Variants in COL9A1 observed in about 807,000 individuals in gnomAD.
COL9A1 encodes collagen type IX alpha 1 chain.
COL9A1 carries 104 observed loss-of-function variants against 142.6 expected under a neutral mutation model. The ratio of observed to expected loss-of-function variants is 0.73; its 90% CI spans 0.62 to 0.86. The LOEUF is 0.86. Ranked by LOEUF, COL9A1 falls within the 40% of genes least tolerant of loss-of-function variation. The probability of loss-of-function intolerance (pLI) is 0.00; values close to 1 mark genes in which losing one functional copy is unlikely to be tolerated. For synonymous variants in COL9A1, 466 were observed against 396.0 expected (o/e 1.18, Z -2.10); for missense variants, 1,210 against 1,176.6 (o/e 1.03, Z -0.42).
At chr6:70,269,764 T>A (rs1343884865) in intron 15 of COL9A1, 99 bp from the exon 16 acceptor site, 3 of 751,346 alleles carry the variant, frequency 4.0e-6, no homozygotes, top group Middle Eastern at 7.3e-4. Flanking sequence ...TAAAATATAT[T>A]TGTTTAATAA....
intron 10 of COL9A1, chr6:70,279,798 A>G (rs1269034097): frequency 4.4e-6 from 2 of 451,612 alleles, no homozygotes; most frequent in South Asian, 7.7e-5. Flanking sequence ...TTTCTTTCAA[A>G]ATGAAGGATA....
chr6:70,254,901 A>T, intron 24 of COL9A1, 62 bp downstream of exon 24: 1 of 1,457,316 alleles, frequency 6.9e-7, no homozygotes, highest in Non-Finnish European at 9.6e-7. Flanking sequence ...TGGAAATGCC[A>T]CACTCAGTTG....
At chr6:70,241,232 C>G (rs941248918) in intron 31 of COL9A1, among the ~76,000 whole-genome samples, 187 bp downstream of exon 31, 2 of 152,190 alleles carry the variant, frequency 1.3e-5, no homozygotes, top group Non-Finnish European at 2.9e-5. Flanking sequence ...TTAGCTCCAG[C>G]TTGTTAAAAT....
intron 10 of COL9A1, chr6:70,279,751 GCA>G (rs1773017056): frequency 2.6e-6 from 1 of 377,688 alleles, no homozygotes; most frequent in South Asian, 1.0e-4. Flanking sequence ...GACAAAGAAA[GCA>G]CACCTTAATA....
intron 5 of COL9A1, among the ~76,000 whole-genome samples, chr6:70,290,011 C>T (rs1020449032): frequency 6.6e-6 from 1 of 152,098 alleles, no homozygotes; most frequent in Non-Finnish European, 1.5e-5. Context: ...CACAGAGCCA[C>T]GCATTTGATA....
At chr6:70,254,713 C>A (rs1003637213) in intron 24 of COL9A1, 184 bp from the exon 25 acceptor site, 5 of 681,132 alleles carry the variant, frequency 7.3e-6, no homozygotes, top group African/African-American at 5.4e-5. Context: ...ATAATTCAAC[C>A]AAAATGCACA....
At chr6:70,282,716 AG>A (rs907923305) in intron 7 of COL9A1, among the ~76,000 whole-genome samples, 181 bp downstream of exon 7, 2 of 152,070 alleles carry the variant, frequency 1.3e-5, no homozygotes, top group African/African-American at 2.4e-5. Context: ...TCCTAGACCA[AG>A]GGGTCATCTA....
rs758916884 is a variant in COL9A1, at chr6:70,216,979, G to C, written c.2684C>G (p.Pro895Arg). ...TGGCTCACAGAAACCGGGAAGCCCA[G>C]GAGGTCCCGGGGGTCCAGGCACTCC... ...IPGVPGPPGP[P>R]GLPGFCEPAS... The change falls in exon 38 of 38, where the codon CCT becomes CGT. Residue 895 changes from proline (P) to arginine (R), a missense_variant. Transcript: ENST00000357250. 2 of 1,614,044 alleles carry C rather than the reference G, an allele frequency of 1.2e-6. No individual in the cohort carries two copies. The highest frequency in any genetic ancestry group is 4.5e-5 in the East Asian group (2 of 44,878).
chr6:70,256,495 T>C (rs1486135702), intron 21 of COL9A1, among the ~76,000 whole-genome samples: 3 of 151,972 alleles, frequency 2.0e-5, no homozygotes, highest in African/African-American at 4.8e-5. Context: ...ACTCAAGGCG[T>C]CCTAATAACC....
At chr6:70,236,506 A>C (rs1057184752) in intron 33 of COL9A1, among the ~76,000 whole-genome samples, 1 of 152,246 alleles carries the variant, frequency 6.6e-6, no homozygotes, top group African/African-American at 2.4e-5. Flanking sequence ...AAAGCAATTT[A>C]ATCCTGCTTC....
At position 70,299,001 on chromosome 6, in the gene COL9A1, G is replaced by A. The variant is rs73747752; in HGVS notation, c.299+1042C>T. Among the ~76,000 whole-genome samples, 1,434 of 152,116 alleles carry A rather than the reference G, an allele frequency of 9.4e-3. 17 individuals carry two copies. The highest frequency in any genetic ancestry group is 0.033 in the African/African-American group (1,351 of 41,496). ...TATGCAAGTAAATTAAACTTTTGGG[G>A]ATCCCTGATTTAAGAAAAAAAAGGT... is the stretch of plus-strand genomic sequence containing the variant. On this transcript the variant is annotated intron_variant, in intron 4 of 37. Transcript: ENST00000357250.
At chr6:70,267,730 G>C (rs1772120792) in intron 17 of COL9A1, among the ~76,000 whole-genome samples, 1 of 152,220 alleles carries the variant, frequency 6.6e-6, no homozygotes, top group Non-Finnish European at 1.5e-5. Flanking sequence ...CTTGTCCTAA[G>C]CACGTGTGTG....
chr6:70,234,560 C>T lies in COL9A1; in HGVS notation c.2293G>A (p.Val765Ile). ...TTACCTTGTATGACTCTCATGCAAA[C>T]CTGCTTAATGTGCTGATCTGTCGGT... ...RAPTDQHIKQ[V>I]CMRVIQEHFA... The change falls in exon 35 of 38, where the codon GTT becomes ATT. Residue 765 changes from valine (V) to isoleucine (I), a missense_variant. Physicochemically the swap from Val to Ile is conservative, Grantham distance 29. Transcript: ENST00000357250. 2 of 1,614,140 alleles carry T rather than the reference C, an allele frequency of 1.2e-6. No individual in the cohort carries two copies. Among genetic ancestry groups the T allele is most frequent in the Middle Eastern group, 1.6e-4 (1 of 6,062 alleles).
At chr6:70,277,099 C>T (rs563952520) in intron 10 of COL9A1, among the ~76,000 whole-genome samples, 15 of 152,156 alleles carry the variant, frequency 9.9e-5, no homozygotes, top group Non-Finnish European at 2.2e-4. Context: ...AGCACCTAAC[C>T]TCTGCCTGTA....
chr6:70,225,120 A>G (rs1769139639), intron 37 of COL9A1, among the ~76,000 whole-genome samples: 1 of 152,218 alleles, frequency 6.6e-6, no homozygotes, highest in African/African-American at 2.4e-5. Context: ...ACAGACCCCT[A>G]GGGCTTTGGG....
At chr6:70,242,601 C>G (rs1274171981) in intron 29 of COL9A1, 61 bp downstream of exon 29, 1 of 1,423,222 alleles carries the variant, frequency 7.0e-7, no homozygotes, top group Non-Finnish European at 9.9e-7. Flanking sequence ...TCTCCTCTTG[C>G]TTATTTTTAA....
At chr6:70,296,961 T>C (rs1025894317) in intron 4 of COL9A1, among the ~76,000 whole-genome samples, 4 of 152,130 alleles carry the variant, frequency 2.6e-5, no homozygotes, top group Admixed American at 2.6e-4. Flanking sequence ...ATAGATATAC[T>C]GAGCAAAACT....
chr6:70,266,785 A>G lies in COL9A1; in HGVS notation c.1288-15T>C. The G allele has an allele frequency of 1.9e-6, 3 of 1,609,846 alleles. No individual in the cohort carries two copies. The highest frequency in any genetic ancestry group is 2.6e-6 in the Non-Finnish European group (3 of 1,176,278). ...CCTTTATGACCCTAACAAATGCAAA[A>G]TAAGTAATTGTCTTGAGTTTGGTAC... On this transcript the variant is annotated splice_polypyrimidine_tract_variant and intron_variant, in intron 17 of 37. Coordinates refer to ENST00000357250, the MANE Select transcript of COL9A1 (RefSeq NM_001851.6).
intron 10 of COL9A1, among the ~76,000 whole-genome samples, chr6:70,276,122 G>A (rs1248788329): frequency 1.3e-5 from 2 of 152,084 alleles, no homozygotes; most frequent in African/African-American, 4.8e-5. Flanking sequence ...AAGAACTTTT[G>A]ACAGACTGCC....
Sources: gnomAD v4.1 joint callset for allele counts (sites outside exome capture counted in the v4.1 genomes callset) on GRCh38, gnomAD v4.1.1 for gene constraint, MANE v1.5 for transcripts, NCBI Gene and HGNC (gene_info 2026-07-23, HGNC 2026-07-21) for gene names.